Variants in KCNK1 observed in about 807,000 individuals in gnomAD.
KCNK1 encodes the protein potassium two pore domain channel subfamily K member 1.
KCNK1 carries 10 observed loss-of-function variants against 22.2 expected under a neutral mutation model. That is an observed-to-expected ratio of 0.45 (90% CI 0.28 to 0.76). The LOEUF is 0.76. Among genes scored for constraint, KCNK1 ranks in the 30% least tolerant of loss-of-function variants. The probability of loss-of-function intolerance (pLI) is 0.14; values close to 1 mark genes in which losing one functional copy is unlikely to be tolerated. For synonymous variants in KCNK1, 200 were observed against 186.4 expected, an observed-to-expected ratio of 1.07 and a Z score of -0.60; for missense variants, 378 against 421.0, an observed-to-expected ratio of 0.90 and a Z score of 0.89.
At chr1:233,667,511 A>G (rs1658515896) in intron 2 of KCNK1, among the ~76,000 whole-genome samples, 1 of 152,008 alleles carries the variant, frequency 6.6e-6, no homozygotes, top group Non-Finnish European at 1.5e-5. Flanking sequence ...CGGGCGGATC[A>G]CGAGGTCAGG....
intron 1 of KCNK1, chr1:233,636,683 G>A (rs192179575): frequency 1.3e-5 from 2 of 152,734 alleles, no homozygotes; most frequent in Non-Finnish European, 2.9e-5. Context: ...CCTCACATTA[G>A]ATATCTGAAC....
chr1:233,625,616 AG>A (rs1178603092), intron 1 of KCNK1, among the ~76,000 whole-genome samples: 7 of 152,148 alleles, frequency 4.6e-5, no homozygotes, highest in Non-Finnish European at 1.0e-4. Flanking sequence ...GGAAATGCAC[AG>A]GATGTTAGGT....
Position 233,614,220 on chromosome 1 carries a change from C to A in KCNK1, c.49C>A (p.His17Asn), listed in dbSNP as rs752158962. Reference sequence around the variant, plus strand: ...CTCGTGCGTGCGCCTGGTGGAGCGGCACCGCTCGGCCTGGTGCTTCGGCTT... The same window carrying A: ...CTCGTGCGTGCGCCTGGTGGAGCGGAACCGCTCGGCCTGGTGCTTCGGCTT... ...GSSCVRLVER[H>N]RSAWCFGFLV... The change falls in exon 1 of 3, where the codon CAC (histidine) becomes AAC (asparagine). Residue 17 changes from histidine to asparagine, a missense_variant. Transcript: ENST00000366621. The A allele has an allele frequency of 6.2e-7, 1 of 1,611,166 alleles. No individual in the cohort carries two copies. Among genetic ancestry groups the A allele is most frequent in the Admixed American group, 1.7e-5 (1 of 59,974 alleles).
intron 1 of KCNK1, among the ~76,000 whole-genome samples, chr1:233,614,920 C>G (rs1657459952): frequency 6.6e-6 from 1 of 152,202 alleles, no homozygotes; most frequent in Non-Finnish European, 1.5e-5. Context: ...TGTGTAGCAG[C>G]ACCTGGCCGC....
At chr1:233,648,554 G>T (rs773634678) in intron 1 of KCNK1, among the ~76,000 whole-genome samples, 9 of 150,828 alleles carry the variant, frequency 6.0e-5, no homozygotes, top group Admixed American at 1.3e-4. Flanking sequence ...TTTCTTTCTT[G>T]CTTGCTTGCT....
At chr1:233,619,998 C>G (rs1037080376) in intron 1 of KCNK1, among the ~76,000 whole-genome samples, 1 of 152,088 alleles carries the variant, frequency 6.6e-6, no homozygotes, top group South Asian at 2.1e-4. Context: ...CTAATCTAGC[C>G]CACCACCTGT....
At chr1:233,642,446 G>A (rs1182609277) in intron 1 of KCNK1, among the ~76,000 whole-genome samples, 2 of 152,218 alleles carry the variant, frequency 1.3e-5, no homozygotes, top group Non-Finnish European at 2.9e-5. Flanking sequence ...TACTGGCCCT[G>A]AGGGGCTTGA....
intron 1 of KCNK1, among the ~76,000 whole-genome samples, chr1:233,637,763 G>A (rs1235937281): frequency 1.3e-5 from 2 of 152,048 alleles, no homozygotes; most frequent in African/African-American, 4.8e-5. Flanking sequence ...TCAGGATTGA[G>A]AGCAAACCCA....
chr1:233,628,547 C>T (rs897271844), intron 1 of KCNK1, among the ~76,000 whole-genome samples: 2 of 152,066 alleles, frequency 1.3e-5, no homozygotes, highest in African/African-American at 4.8e-5. Context: ...ATCACCTGAG[C>T]TCAGGAGTTC....
In KCNK1 at chr1:233,670,211, G is replaced by A. The variant is rs199998197; in HGVS notation, c.752-1060G>A. 5.9e-5 allele frequency among the ~76,000 whole-genome samples: 9 copies of A among 152,144 alleles called. No homozygotes were observed. The East Asian group carries it at 1.7e-3, about 29-fold the overall frequency. ...ATTCCAAGCAATACATTTTACTTGAGTCAACAGTTATCCTTCATTTTCCCA... is the reference window on the plus strand; with the variant it reads ...ATTCCAAGCAATACATTTTACTTGAATCAACAGTTATCCTTCATTTTCCCA... On this transcript the variant is annotated intron_variant, in intron 2 of 2. Transcript: ENST00000366621.
intron 1 of KCNK1, among the ~76,000 whole-genome samples, chr1:233,656,523 G>A (rs1658300429): frequency 6.6e-6 from 1 of 152,162 alleles, no homozygotes. Flanking sequence ...TTTCCCCTTG[G>A]CTTATTGATT....
chr1:233,648,519 C>T (rs1051794053), intron 1 of KCNK1, among the ~76,000 whole-genome samples: 10 of 151,702 alleles, frequency 6.6e-5, no homozygotes, highest in African/African-American at 2.4e-4. Flanking sequence ...CCAAACTCTC[C>T]GTGGGTTATA....
intron 1 of KCNK1, among the ~76,000 whole-genome samples, chr1:233,653,069 C>A (rs981861114): frequency 5.3e-5 from 8 of 152,184 alleles, no homozygotes; most frequent in Non-Finnish European, 8.8e-5. Flanking sequence ...GCCACTAATT[C>A]TCTGCCTCAG....
chr1:233,625,523 G>T (rs701215), intron 1 of KCNK1, among the ~76,000 whole-genome samples: 10,286 of 152,136 alleles, frequency 0.068, 642 homozygotes, highest in African/African-American at 0.15. Context: ...GCAGGAGAAG[G>T]TCGGAGAAAA....
At chr1:233,661,972 AC>A (rs1167119876) in intron 1 of KCNK1, 1 of 152,226 alleles carries the variant, frequency 6.6e-6, no homozygotes, top group Non-Finnish European at 1.5e-5. Context: ...GAAGTCACTA[AC>A]AGCACCGGTG....
At chr1:233,669,854 C>T (rs1380614893) in intron 2 of KCNK1, among the ~76,000 whole-genome samples, 1 of 152,088 alleles carries the variant, frequency 6.6e-6, no homozygotes, top group African/African-American at 2.4e-5. Flanking sequence ...ATTAGTCTAA[C>T]AATGTCATTA....
chr1:233,642,776 T>G (rs1483090854), intron 1 of KCNK1, among the ~76,000 whole-genome samples: 1 of 151,466 alleles, frequency 6.6e-6, no homozygotes, highest in Non-Finnish European at 1.5e-5. Context: ...GTGCCATTTT[T>G]TTTTTCTTTT....
At chr1:233,662,396 C>G (rs1658413292) in intron 1 of KCNK1, among the ~76,000 whole-genome samples, 1 of 152,134 alleles carries the variant, frequency 6.6e-6, no homozygotes, top group South Asian at 2.1e-4. Flanking sequence ...GTTACAGACT[C>G]AGGGTCACAA....
chr1:233,633,094 T>G (rs1354732723), intron 1 of KCNK1, among the ~76,000 whole-genome samples: 1 of 151,712 alleles, frequency 6.6e-6, no homozygotes, highest in Non-Finnish European at 1.5e-5. Flanking sequence ...TGTGTTGATT[T>G]TTAGTGAGTG....
Sources: allele counts gnomAD v4.1 joint callset (sites outside exome capture counted in the v4.1 genomes callset), GRCh38; gene constraint gnomAD v4.1.1; transcripts MANE v1.5; gene names NCBI Gene and HGNC (gene_info 2026-07-23, HGNC 2026-07-21).